Variants in ADGRG4 observed in about 807,000 individuals in gnomAD.
ADGRG4 encodes the protein adhesion G protein-coupled receptor G4, also known as G protein-coupled receptor 112.
A neutral mutation model predicts 126.2 loss-of-function variants in ADGRG4; 122 were observed. That is an observed-to-expected ratio of 0.97 (90% CI 0.83 to 1.12). ADGRG4 has a LOEUF of 1.12. Among genes scored for constraint, ADGRG4 ranks in the 50% most tolerant of loss-of-function variants. ADGRG4 has a pLI of 0.00. For missense variants in ADGRG4, 2,481 were observed against 2,251.8 expected, an observed-to-expected ratio of 1.10 and a Z score of -2.06; for synonymous variants, 943 against 838.7, an observed-to-expected ratio of 1.12 and a Z score of -2.15.
intron 15 of ADGRG4, among the ~76,000 whole-genome samples, chrX:136,377,414 G>A (rs372086575): frequency 9.1e-6 from 1 of 109,937 alleles, no homozygotes; most frequent in African/African-American, 3.3e-5. Context: ...GACTGATCTC[G>A]AACTCCTGGG....
intron 15 of ADGRG4, among the ~76,000 whole-genome samples, chrX:136,377,167 C>CT (rs1184343263): frequency 0.059 from 2,874 of 48,451 alleles, 248 homozygotes; most frequent in African/African-American, 0.18. Context: ...GTTTTCTTTC[C>CT]TTTTTTTTTT....
At chrX:136,330,695 A>G (rs1221831685) in intron 5 of ADGRG4, among the ~76,000 whole-genome samples, 3 of 111,601 alleles carry the variant, frequency 2.7e-5, no homozygotes, top group African/African-American at 9.8e-5. Context: ...AATTTAAAAA[A>G]TAATTAAATT....
intron 5 of ADGRG4, among the ~76,000 whole-genome samples, chrX:136,333,912 C>T (rs767958145): frequency 2.1e-4 from 23 of 111,186 alleles, no homozygotes; most frequent in East Asian, 8.4e-4. Context: ...GTCATGCTTT[C>T]GATGTTCAAG....
chrX:136,313,786 G>A (rs1204533105), intron 4 of ADGRG4, among the ~76,000 whole-genome samples: 3 of 111,646 alleles, frequency 2.7e-5, no homozygotes, highest in Non-Finnish European at 5.6e-5. Context: ...GGGCTTCTAG[G>A]ATCCTTGGCC....
Position 136,323,100 on chromosome X carries a change from C to A in ADGRG4, c.393C>A (p.Gly131=), listed in dbSNP as rs2074849670. ...TICLIWDGVK[G]KLELFLNKER... ...GCTTGATATGGGATGGTGTGAAGGG[C>A]AAATTAGAACTCTTCCTGAATAAAG... Residue 131 remains glycine (G), a synonymous_variant, in exon 5 of 26, where the codon GGC becomes GGA. Transcript: ENST00000394143. The A allele has an allele frequency of 8.3e-7, 1 of 1,211,065 alleles. No individual in the cohort carries two copies.
At chrX:136,395,642 C>A in intron 19 of ADGRG4, 149 bp downstream of exon 19, 1 of 345,809 alleles carries the variant, frequency 2.9e-6, no homozygotes, top group Non-Finnish European at 5.0e-6. Context: ...CAGATTGAGA[C>A]AAATATTTAT....
chrX:136,361,900 C>A (rs1450959042), intron 12 of ADGRG4, among the ~76,000 whole-genome samples: 1 of 111,690 alleles, frequency 9.0e-6, no homozygotes, highest in African/African-American at 3.3e-5. Context: ...TTTCATGTAA[C>A]CTTTCTCTGT....
chrX:136,326,080 A>G (rs759626060), intron 5 of ADGRG4, among the ~76,000 whole-genome samples: 2 of 112,176 alleles, frequency 1.8e-5, no homozygotes, highest in Non-Finnish European at 3.8e-5. Context: ...ATAATGCACA[A>G]TCTAACGTAA....
intron 15 of ADGRG4, among the ~76,000 whole-genome samples, chrX:136,373,568 TA>T (rs1397433680): frequency 9.0e-6 from 1 of 111,578 alleles, no homozygotes; most frequent in Non-Finnish European, 1.9e-5. Flanking sequence ...TTTTTACAAT[TA>T]AAAAGTAATA....
At chrX:136,361,631 G>T in intron 12 of ADGRG4, 44 bp downstream of exon 12, 1 of 1,024,852 alleles carries the variant, frequency 9.8e-7, no homozygotes, top group Middle Eastern at 2.7e-4. Flanking sequence ...GATATACAAA[G>T]ATCTACCTAA....
At chrX:136,383,741 C>G (rs1374250269) in intron 15 of ADGRG4, among the ~76,000 whole-genome samples, 2 of 110,633 alleles carry the variant, frequency 1.8e-5, no homozygotes, top group Non-Finnish European at 3.8e-5. Context: ...TTCCTGTTGT[C>G]TCTTGCTTTA....
Position 136,322,924 on chromosome X carries a change from G to A in ADGRG4, c.217G>A (p.Ala73Thr), listed in dbSNP as rs749258117. 12 of 1,209,812 alleles carry A rather than the reference G, an allele frequency of 9.9e-6. No individual in the cohort carries two copies. The South Asian group carries it at 1.9e-4, about 20-fold the overall frequency. The change falls in exon 5 of 26, where the codon GCC becomes ACC. Residue 73 changes from alanine to threonine, a missense_variant. Ala to Thr is a moderately conservative substitution (Grantham distance 58). Transcript: ENST00000394143. ...GGATGACAACTCAAGGTATTGGATGGCCTTCTCTTATATTACTAATAACGC... is the reference window on the plus strand; with the variant it reads ...GGATGACAACTCAAGGTATTGGATGACCTTCTCTTATATTACTAATAACGC... Reference protein sequence around the residue: ...FMDDNSRYWMAFSYITNNALL... With the variant: ...FMDDNSRYWMTFSYITNNALL...
chrX:136,344,781 G>A lies in ADGRG4; in HGVS notation c.1075G>A (p.Ala359Thr). The change falls in exon 6 of 26, where the codon GCC becomes ACC. Residue 359 changes from alanine (A) to threonine (T), a missense_variant. Physicochemically the swap from Ala to Thr is moderately conservative, Grantham distance 58 (BLOSUM62 0). Coordinates refer to ENST00000394143, the MANE Select transcript of ADGRG4 (RefSeq NM_153834.4). Reference sequence around the variant, plus strand: ...CACAAAGACAACAAAAATGGTTGAAGCCATGGCTACTGAAATCTTTCAACC... The same window carrying A: ...CACAAAGACAACAAAAATGGTTGAAACCATGGCTACTGAAATCTTTCAACC... The part of the protein sequence containing the change: ...ESTKTTKMVE[A>T]MATEIFQPPT... The A allele has an allele frequency of 8.3e-7, 1 of 1,209,295 alleles. No homozygotes were observed. The highest frequency in any genetic ancestry group is 1.1e-6 in the Non-Finnish European group (1 of 893,957).
At chrX:136,373,989 A>C (rs1000144040) in intron 15 of ADGRG4, among the ~76,000 whole-genome samples, 1 of 111,529 alleles carries the variant, frequency 9.0e-6, no homozygotes, top group Non-Finnish European at 1.9e-5. Context: ...GAATATTACT[A>C]TCACCTCTGA....
chrX:136,310,830 A>T (rs2074764689), intron 4 of ADGRG4, among the ~76,000 whole-genome samples: 1 of 111,963 alleles, frequency 8.9e-6, no homozygotes, highest in South Asian at 3.8e-4. Context: ...AGCAGGAGGT[A>T]AAAAATAAGG....
intron 4 of ADGRG4, among the ~76,000 whole-genome samples, chrX:136,319,415 A>G (rs1469553503): frequency 8.9e-6 from 1 of 112,254 alleles, no homozygotes; most frequent in Non-Finnish European, 1.9e-5. Flanking sequence ...ATCTTTTATC[A>G]TGGCCCTATG....
chrX:136,386,634 C>T (rs767756486), intron 15 of ADGRG4, among the ~76,000 whole-genome samples: 9 of 111,922 alleles, frequency 8.0e-5, no homozygotes, highest in African/African-American at 2.6e-4. Context: ...AATCTTTCTA[C>T]GCCATTTCCT....
chrX:136,405,317 A>T (rs1279693117), intron 22 of ADGRG4, among the ~76,000 whole-genome samples: 1 of 71,592 alleles, frequency 1.4e-5, no homozygotes, highest in African/African-American at 5.5e-5. Context: ...GCGGGGGGGC[A>T]GGGCGTGCGG....
intron 4 of ADGRG4, among the ~76,000 whole-genome samples, chrX:136,309,555 G>A (rs893991263): frequency 3.9e-4 from 44 of 112,189 alleles, no homozygotes; most frequent in African/African-American, 1.3e-3. Flanking sequence ...ATGCCAGTGA[G>A]TGACAACGCC....
Sources: allele counts gnomAD v4.1 joint callset (sites outside exome capture counted in the v4.1 genomes callset), GRCh38; gene constraint gnomAD v4.1.1; transcripts MANE v1.5; gene names NCBI Gene and HGNC (gene_info 2026-07-23, HGNC 2026-07-21).